Variants in FAM171A1 observed in about 807,000 individuals in gnomAD.
The protein encoded by FAM171A1 is family with sequence similarity 171 member A1.
In FAM171A1, 23 loss-of-function variants were observed where a neutral mutation model predicts 74.9. That is an observed-to-expected ratio of 0.31 (90% CI 0.22 to 0.44). FAM171A1 has a LOEUF of 0.44. FAM171A1 is among the 20% of genes least tolerant of loss of function. FAM171A1 has a pLI of 1.00. For synonymous variants in FAM171A1, 527 were observed against 505.7 expected (o/e 1.04, Z -0.57); for missense variants, 1,162 against 1,159.2 (o/e 1.00, Z -0.03).
intron 2 of FAM171A1, among the ~76,000 whole-genome samples, chr10:15,276,183 T>C (rs1212209578): frequency 6.6e-6 from 1 of 151,594 alleles, no homozygotes; most frequent in Non-Finnish European, 1.5e-5. Flanking sequence ...GAAGTTTTCT[T>C]TTTTTTTTCT....
At chr10:15,343,388 C>T (rs578048291) in intron 1 of FAM171A1, among the ~76,000 whole-genome samples, 39 of 152,248 alleles carry the variant, frequency 2.6e-4, no homozygotes, top group Admixed American at 7.2e-4. Context: ...GACATGAAGA[C>T]GTGCACCAGC....
chr10:15,227,450 A>T (rs1176909400), intron 5 of FAM171A1, among the ~76,000 whole-genome samples: 1 of 152,164 alleles, frequency 6.6e-6, no homozygotes, highest in African/African-American at 2.4e-5. Flanking sequence ...TGGTGCAATC[A>T]TGGCTCACTG....
intron 1 of FAM171A1, among the ~76,000 whole-genome samples, chr10:15,348,420 G>A (rs551406621): frequency 3.3e-5 from 5 of 152,222 alleles, no homozygotes; most frequent in East Asian, 1.9e-4. Context: ...TTACAGGCGT[G>A]AGCCCCCATG....
rs1408837249 is a variant in FAM171A1, at chr10:15,212,455, T to A, written c.*460A>T. ...ACGAAGCAGCGATGCATAGCTTTCC[T>A]TTGAGAGAACGCATACCTTGAGACG... On this transcript the variant is annotated 3_prime_UTR_variant, in exon 8 of 8. Coordinates refer to ENST00000378116, the MANE Select transcript of FAM171A1 (RefSeq NM_001010924.2). The A allele has an allele frequency of 1.2e-5, 2 of 164,744 alleles. No individual in the cohort carries two copies. Among genetic ancestry groups the A allele is most frequent in the Admixed American group, 5.7e-5 (1 of 17,674 alleles). 10.2% of individuals were successfully genotyped at this position (164,744 alleles called of 1,614,324 possible).
At chr10:15,366,187 T>C (rs1314491712) in intron 1 of FAM171A1, among the ~76,000 whole-genome samples, 1 of 152,192 alleles carries the variant, frequency 6.6e-6, no homozygotes, top group Non-Finnish European at 1.5e-5. Context: ...TGGTGCGATC[T>C]CTACTCACTA....
intron 2 of FAM171A1, among the ~76,000 whole-genome samples, chr10:15,281,339 T>C (rs1276018413): frequency 1.3e-5 from 2 of 152,222 alleles, no homozygotes; most frequent in South Asian, 2.1e-4. Context: ...ATCTTTATTA[T>C]ATTGAAAAGG....
chr10:15,249,478 A>T (rs779147822), intron 4 of FAM171A1, among the ~76,000 whole-genome samples: 30 of 152,226 alleles, frequency 2.0e-4, no homozygotes, highest in Non-Finnish European at 3.2e-4. Flanking sequence ...AATGTGAGAC[A>T]AAGGTGTAAG....
At chr10:15,278,241 G>A (rs1046534945) in intron 2 of FAM171A1, among the ~76,000 whole-genome samples, 3 of 152,184 alleles carry the variant, frequency 2.0e-5, no homozygotes, top group East Asian at 3.9e-4. Flanking sequence ...TGCATTGCAA[G>A]GGTACTAGAC....
intron 1 of FAM171A1, among the ~76,000 whole-genome samples, chr10:15,331,859 G>GTATATATATATA (rs1835639494): frequency 2.2e-4 from 10 of 44,950 alleles, no homozygotes; most frequent in East Asian, 1.6e-3. Context: ...ATATATGTGT[G>GTATATATATATA]TATATATATG....
intron 1 of FAM171A1, among the ~76,000 whole-genome samples, chr10:15,357,663 G>C (rs1202077257): frequency 6.6e-6 from 1 of 152,174 alleles, no homozygotes; most frequent in East Asian, 1.9e-4. Context: ...TGAGATACAT[G>C]CTGAAGTATT....
intron 1 of FAM171A1, among the ~76,000 whole-genome samples, chr10:15,312,473 G>A (rs1314219439): frequency 2.0e-5 from 3 of 151,106 alleles, no homozygotes; most frequent in Non-Finnish European, 4.4e-5. Flanking sequence ...AGCCAGTGGG[G>A]CAACACTGGG....
At chr10:15,303,018 G>A (rs559434261) in intron 1 of FAM171A1, among the ~76,000 whole-genome samples, 106 of 152,124 alleles carry the variant, frequency 7.0e-4, no homozygotes, top group South Asian at 2.5e-3. Flanking sequence ...GTGAAACCCC[G>A]TCTCTACTAA....
chr10:15,271,173 C>A (rs1030006217), intron 3 of FAM171A1, among the ~76,000 whole-genome samples: 1 of 152,048 alleles, frequency 6.6e-6, no homozygotes, highest in East Asian at 1.9e-4. Flanking sequence ...GAATAAACAG[C>A]GTAGAGAAGA....
chr10:15,362,720 T>C (rs919442447), intron 1 of FAM171A1, among the ~76,000 whole-genome samples: 2 of 152,166 alleles, frequency 1.3e-5, no homozygotes, highest in Non-Finnish European at 2.9e-5. Context: ...CGAGACTCTG[T>C]CTCAAAAACA....
intron 1 of FAM171A1, among the ~76,000 whole-genome samples, chr10:15,370,397 C>G (rs1836125199): frequency 6.6e-6 from 1 of 151,686 alleles, no homozygotes; most frequent in South Asian, 2.1e-4. Flanking sequence ...CTTTCCCAAA[C>G]TGCGGCAGGC....
intron 1 of FAM171A1, among the ~76,000 whole-genome samples, chr10:15,366,222 C>G (rs576758212): frequency 6.6e-6 from 1 of 152,256 alleles, no homozygotes; most frequent in South Asian, 2.1e-4. Context: ...CGAGTTCAAG[C>G]AATTGTCCTG....
chr10:15,329,725 G>T (rs1315064851), intron 1 of FAM171A1, among the ~76,000 whole-genome samples: 1 of 151,716 alleles, frequency 6.6e-6, no homozygotes, highest in Non-Finnish European at 1.5e-5. Flanking sequence ...GCCCTAAGAA[G>T]CTACGGGAAG....
chr10:15,337,786 T>TA (rs1835721303), intron 1 of FAM171A1, among the ~76,000 whole-genome samples: 1 of 151,960 alleles, frequency 6.6e-6, no homozygotes, highest in Admixed American at 6.6e-5. Context: ...CCGACTCTAC[T>TA]AAAAAAATAC....
chr10:15,249,319 C>T (rs1257132068), intron 4 of FAM171A1, among the ~76,000 whole-genome samples: 1 of 152,154 alleles, frequency 6.6e-6, no homozygotes, highest in Non-Finnish European at 1.5e-5. Context: ...TGGTCTCAAA[C>T]TCCTGACCTC....
Sources: allele counts gnomAD v4.1 joint callset (sites outside exome capture counted in the v4.1 genomes callset), GRCh38; gene constraint gnomAD v4.1.1; transcripts MANE v1.5; gene names NCBI Gene and HGNC (gene_info 2026-07-23, HGNC 2026-07-21).